The following EPHA6 variants were observed in gnomAD, a reference collection of about 807,000 sequenced individuals.
The protein encoded by EPHA6 is EPH receptor A6.
In EPHA6, 50 loss-of-function variants were observed where a neutral mutation model predicts 112.0. That is an observed-to-expected ratio of 0.45 (90% CI 0.36 to 0.56). The LOEUF is 0.56. Among genes scored for constraint, EPHA6 ranks in the 20% least tolerant of loss-of-function variants. The pLI is 0.00. For synonymous variants in EPHA6, 529 were observed against 490.7 expected (o/e 1.08, Z -1.03); for missense variants, 1,280 against 1,417.4 (o/e 0.90, Z 1.56).
intron 14 of EPHA6, among the ~76,000 whole-genome samples, chr3:97,662,106 G>C (rs1379867449): frequency 6.6e-6 from 1 of 152,038 alleles, no homozygotes; most frequent in African/African-American, 2.4e-5. Flanking sequence ...GGTCTTTTTA[G>C]CAGTATGTCA....
At chr3:97,636,652 T>C (rs2093947990) in intron 13 of EPHA6, among the ~76,000 whole-genome samples, 1 of 152,142 alleles carries the variant, frequency 6.6e-6, no homozygotes, top group African/African-American at 2.4e-5. Flanking sequence ...CAATGAATCA[T>C]CATTGTATAA....
rs375072509 is a variant in EPHA6, at chr3:97,480,423, T to C, written c.2074+1059T>C. Among the ~76,000 whole-genome samples the C allele has an allele frequency of 2.8e-4, 42 of 151,996 alleles. No homozygotes were observed. In the East Asian group the frequency reaches 7.2e-3, roughly 26 times the overall value. Reference sequence around the variant, plus strand: ...TCCCTGGGTACTTGAGATTAGGGAGTGGTGATGACTCTTAACCAGCATGCT... The same window carrying C: ...TCCCTGGGTACTTGAGATTAGGGAGCGGTGATGACTCTTAACCAGCATGCT... On this transcript the variant is annotated intron_variant, in intron 9 of 17. Coordinates refer to ENST00000389672, the MANE Select transcript of EPHA6 (RefSeq NM_001080448.3).
At chr3:97,428,202 A>C (rs2089282051) in intron 6 of EPHA6, among the ~76,000 whole-genome samples, 1 of 152,190 alleles carries the variant, frequency 6.6e-6, no homozygotes, top group Admixed American at 6.5e-5. Flanking sequence ...AACCTCAAAA[A>C]CATACGAAAC....
rs2035968916 is a variant in EPHA6, at chr3:97,754,200, T to C, written c.*5499T>C. 6.6e-6 allele frequency among the ~76,000 whole-genome samples: 1 copy of C among 151,090 alleles called. No homozygotes were observed. Among genetic ancestry groups the C allele is most frequent in the Admixed American group, 6.6e-5 (1 of 15,164 alleles). On this transcript the variant is annotated 3_prime_UTR_variant, in exon 18 of 18. Transcript: ENST00000389672. ...GCCTCCCAGGTTCAAGCAATTCTCCTGCCTCAGCCTCCCGAGTAGCTAGGA... is the reference window on the plus strand; with the variant it reads ...GCCTCCCAGGTTCAAGCAATTCTCCCGCCTCAGCCTCCCGAGTAGCTAGGA...
chr3:97,205,204 A>G (rs2077684535), intron 3 of EPHA6, among the ~76,000 whole-genome samples: 1 of 152,130 alleles, frequency 6.6e-6, no homozygotes, highest in Admixed American at 6.6e-5. Flanking sequence ...TTTGATGTAT[A>G]TGAGGGAATA....
At chr3:96,835,669 G>A (rs558193011) in intron 1 of EPHA6, among the ~76,000 whole-genome samples, 3 of 151,930 alleles carry the variant, frequency 2.0e-5, no homozygotes, top group South Asian at 2.1e-4. Flanking sequence ...TCTTGACCCC[G>A]GCTGCATATC....
intron 3 of EPHA6, among the ~76,000 whole-genome samples, chr3:97,155,949 G>A (rs998371617): frequency 4.6e-5 from 7 of 152,230 alleles, no homozygotes; most frequent in African/African-American, 1.7e-4. Context: ...CTGCTCATAA[G>A]GGCTCCTGTG....
intron 3 of EPHA6, among the ~76,000 whole-genome samples, chr3:96,992,417 A>C (rs1362530327): frequency 6.6e-6 from 1 of 152,130 alleles, no homozygotes; most frequent in Non-Finnish European, 1.5e-5. Context: ...GATGAGGTTC[A>C]CTGGGTCATT....
intron 14 of EPHA6, among the ~76,000 whole-genome samples, chr3:97,711,627 C>T (rs1444608672): frequency 6.6e-6 from 1 of 152,130 alleles, no homozygotes; most frequent in African/African-American, 2.4e-5. Context: ...TCAAGAGCAG[C>T]AGAAGATGGA....
rs756098664 is a variant in EPHA6, at chr3:97,226,365, T to C, written c.1216T>C (p.Cys406Arg). The C allele has an allele frequency of 1.2e-6, 2 of 1,613,768 alleles. No individual in the cohort carries two copies. Among genetic ancestry groups the C allele is most frequent in the Admixed American group, 1.7e-5 (1 of 60,022 alleles). ...TYMEATSVCQ[C>R]EKGYFRAEKD... ...CATGGAAGCAACTTCTGTCTGTCAG[T>C]GTGAAAAGGGTTATTTCCGAGCTGA... The change falls in exon 4 of 18, where the codon TGT becomes CGT. Residue 406 changes from cysteine (C) to arginine (R), a missense_variant. Cys to Arg is a radical substitution (Grantham distance 180). This residue lies in a region of EPHA6 where 878 missense variants were observed against 999.7 expected (regional missense o/e 0.88). Transcript: ENST00000389672.
chr3:97,295,764 TG>T (rs1393139186), intron 5 of EPHA6, among the ~76,000 whole-genome samples: 3 of 152,140 alleles, frequency 2.0e-5, no homozygotes, highest in Non-Finnish European at 4.4e-5. Flanking sequence ...ATTTTAGCTT[TG>T]TTTTTTTATT....
At chr3:97,205,875 T>C (rs1307889041) in intron 3 of EPHA6, among the ~76,000 whole-genome samples, 1 of 152,098 alleles carries the variant, frequency 6.6e-6, no homozygotes, top group Non-Finnish European at 1.5e-5. Context: ...TTATGCATCA[T>C]CTCAACAGAT....
At chr3:97,202,007 A>G (rs1344920975) in intron 3 of EPHA6, among the ~76,000 whole-genome samples, 9 of 152,228 alleles carry the variant, frequency 5.9e-5, no homozygotes, top group Non-Finnish European at 1.0e-4. Context: ...CATGCTGATG[A>G]TGCTGTTTTT....
intron 11 of EPHA6, among the ~76,000 whole-genome samples, chr3:97,587,445 A>G (rs1376628093): frequency 6.6e-6 from 1 of 152,210 alleles, no homozygotes; most frequent in Non-Finnish European, 1.5e-5. Context: ...TAAAATAAGG[A>G]CAAAATAAAA....
intron 3 of EPHA6, among the ~76,000 whole-genome samples, chr3:97,048,972 G>A (rs1373982904): frequency 6.6e-6 from 1 of 152,164 alleles, no homozygotes; most frequent in South Asian, 2.1e-4. Flanking sequence ...GTAAAGACAC[G>A]AAGGAGGTGA....
chr3:97,094,107 T>C (rs2047162301), intron 3 of EPHA6, among the ~76,000 whole-genome samples: 2 of 152,192 alleles, frequency 1.3e-5, no homozygotes, highest in Non-Finnish European at 2.9e-5. Context: ...CTCTGCTATG[T>C]AGCGTCAAAG....
Position 97,467,023 on chromosome 3 carries a change from C to T in EPHA6, c.1895-8329C>T, listed in dbSNP as rs185201228. ...TTTTTCGGTGGAGAATACCACCCTC[C>T]CCCTCTTGTCCTGTGACCTTCACAC... On this transcript the variant is annotated intron_variant, in intron 7 of 17. Coordinates refer to ENST00000389672, the MANE Select transcript of EPHA6 (RefSeq NM_001080448.3). 3.3e-3 allele frequency among the ~76,000 whole-genome samples: 501 copies of T among 151,824 alleles called. 3 individuals are homozygous for T. The highest frequency in any genetic ancestry group is 0.011 in the African/African-American group (443 of 41,466).
chr3:97,475,962 A>G (rs1285516806), intron 8 of EPHA6, among the ~76,000 whole-genome samples: 1 of 152,102 alleles, frequency 6.6e-6, no homozygotes, highest in Non-Finnish European at 1.5e-5. Context: ...AACATAGCAA[A>G]AGACCTAAAT....
At chr3:97,021,234 A>G (rs766658677) in intron 3 of EPHA6, among the ~76,000 whole-genome samples, 5 of 152,192 alleles carry the variant, frequency 3.3e-5, no homozygotes, top group Non-Finnish European at 7.3e-5. Context: ...TTCATTTTCT[A>G]AGAAGCAGCT....
Sources: gnomAD v4.1 joint callset for allele counts (sites outside exome capture counted in the v4.1 genomes callset) on GRCh38, gnomAD v4.1.1 for gene constraint, gnomAD v4.1.1 regional missense constraint, MANE v1.5 for transcripts, NCBI Gene and HGNC (gene_info 2026-07-23, HGNC 2026-07-21) for gene names.